Variants in LILRA5 observed in about 807,000 individuals in gnomAD.
LILRA5 encodes leukocyte immunoglobulin like receptor A5, also known as leukocyte immunoglobulin-like receptor subfamily A member 5.
LILRA5 carries 31 observed loss-of-function variants against 36.3 expected under a neutral mutation model. The observed-to-expected ratio is 0.85, with a 90% confidence interval of 0.64 to 1.15. The LOEUF (loss-of-function observed/expected upper bound fraction) is 1.15. LILRA5 is among the 50% of genes most tolerant of loss of function. The probability of loss-of-function intolerance (pLI) is 0.00; values close to 1 mark genes in which losing one functional copy is unlikely to be tolerated. For synonymous variants in LILRA5, 144 were observed against 144.8 expected (o/e 0.99, Z 0.04); for missense variants, 348 against 377.4 (o/e 0.92, Z 0.64).
chr19:54,307,465 A>G lies in LILRA5; in HGVS notation c.848T>C (p.Ile283Thr). ...TCTCTGGCTGTGCCAATCCTGAAAT[A>G]TCAGAATCCCAAGGACCACCAGGAT... Reference protein sequence around the residue: ...GLILVVLGILIFQDWHSQRSP... With the variant: ...GLILVVLGILTFQDWHSQRSP... Residue 283 changes from isoleucine (I) to threonine (T), a missense_variant, in exon 7 of 7, where the codon ATA (isoleucine) becomes ACA (threonine). By Grantham distance (89) the Ile-to-Thr change is moderately conservative (BLOSUM62 -1). Transcript: ENST00000432233. 1 of 1,613,874 alleles carries G rather than the reference A, an allele frequency of 6.2e-7. No individual in the cohort carries two copies. The highest frequency in any genetic ancestry group is 1.1e-5 in the South Asian group (1 of 91,046).
At chr19:54,311,809 C>A (rs1569144201) in intron 4 of LILRA5, 55 bp downstream of exon 4, 2 of 1,613,194 alleles carry the variant, frequency 1.2e-6, no homozygotes, top group Middle Eastern at 1.7e-4. Flanking sequence ...CCCTGAGAGC[C>A]GACCCCCTTC....
intron 5 of LILRA5, chr19:54,310,577 G>C (rs996020575): frequency 5.9e-6 from 1 of 168,736 alleles, no homozygotes; most frequent in Non-Finnish European, 1.3e-5. Flanking sequence ...GAGCAGACCA[G>C]GTCTTAGGGT....
intron 5 of LILRA5, chr19:54,308,296 T>G (rs1317972261): frequency 6.6e-6 from 1 of 150,588 alleles, no homozygotes; most frequent in Non-Finnish European, 1.4e-5. Flanking sequence ...GTCATATATA[T>G]ATACGTATGT....
At chr19:54,312,284 C>T in intron 3 of LILRA5, 51 bp downstream of exon 3, 1 of 1,614,124 alleles carries the variant, frequency 6.2e-7, no homozygotes, top group Non-Finnish European at 8.5e-7. Context: ...ATGGGTGGCC[C>T]TTTGTCCCCA....
chr19:54,312,954 T>C, intron 1 of LILRA5, 63 bp downstream of exon 1: 1 of 1,610,622 alleles, frequency 6.2e-7, no homozygotes, highest in South Asian at 1.1e-5. Context: ...TCTCAGAGCC[T>C]CCCCATGGGG....
chr19:54,307,610 C>G, intron 6 of LILRA5, 61 bp from the exon 7 acceptor site: 2 of 1,613,644 alleles, frequency 1.2e-6, no homozygotes, highest in South Asian at 1.1e-5. Flanking sequence ...CCCAGGACCC[C>G]TGGATGTCTC....
intron 1 of LILRA5, 119 bp downstream of exon 1, chr19:54,312,898 G>A: frequency 7.8e-7 from 1 of 1,274,986 alleles, no homozygotes; most frequent in Non-Finnish European, 1.1e-6. Context: ...AATAGACCCG[G>A]TGCCTTCCTG....
chr19:54,311,468 G>A lies in LILRA5; in HGVS notation c.658C>T (p.His220Tyr). 2 of 1,614,112 alleles carry A rather than the reference G, an allele frequency of 1.2e-6. No homozygotes were observed. Among genetic ancestry groups the A allele is most frequent in the Non-Finnish European group, 1.7e-6 (2 of 1,179,960 alleles). The change falls in exon 5 of 7, where the codon CAT becomes TAT. Residue 220 changes from histidine (H) to tyrosine (Y), a missense_variant. His to Tyr is a moderately conservative substitution (Grantham distance 83). Coordinates refer to ENST00000432233, the MANE Select transcript of LILRA5 (RefSeq NM_021250.4). ...WMLRCYGSRR[H>Y]ILQVWSEPSD... ...GGTTCTGACCATACCTGCAGGATAT[G>A]CCTGCGAGAGCCATAGCATCTGAGC...
Position 54,312,019 on chromosome 19 carries a change from T to G in LILRA5, c.254A>C (p.Glu85Ala), listed in dbSNP as rs745719632. 5.0e-6 allele frequency: 8 copies of G among 1,614,050 alleles called. No individual in the cohort carries two copies. In the South Asian group the frequency reaches 7.7e-5, roughly 16 times the overall value. ...CAGTGGGTTCTGTGTGTCCCAGGGT[T>G]CTGGGCTTCCCTCTTTAACCAGACG... Reference protein sequence around the residue: ...EYRLVKEGSPEPWDTQNPLEP... With the variant: ...EYRLVKEGSPAPWDTQNPLEP... The change falls in exon 4 of 7, where the codon GAA (glutamate) becomes GCA (alanine). Residue 85 changes from glutamate to alanine, a missense_variant. Coordinates refer to ENST00000432233, the MANE Select transcript of LILRA5 (RefSeq NM_021250.4).
In LILRA5 at chr19:54,312,117, C is replaced by G; in HGVS notation, c.156G>C (p.Glu52Asp). 1 of 1,614,134 alleles carries G rather than the reference C, an allele frequency of 6.2e-7. No homozygotes were observed. Among genetic ancestry groups the G allele is most frequent in the South Asian group, 1.1e-5 (1 of 91,088 alleles). Residue 52 changes from glutamate to aspartate, a missense_variant, in exon 4 of 7, where the codon GAG (glutamate) becomes GAC (aspartate). Coordinates refer to ENST00000432233, the MANE Select transcript of LILRA5 (RefSeq NM_021250.4). The stretch of plus-strand genomic sequence containing the variant: ...TCCCCCGGCTGATCACAGAGCCTGG[C>G]TCAGCCCAGAGGGTGGCTTTGGAGA... ...GNLSKATLWA[E>D]PGSVISRGNS...
At chr19:54,308,434 T>C (rs1341407662) in intron 5 of LILRA5, 1 of 136,476 alleles carries the variant, frequency 7.3e-6, no homozygotes, top group Non-Finnish European at 1.6e-5. Flanking sequence ...CATAAAACAA[T>C]TTCTGCTTTT....
intron 6 of LILRA5, 65 bp downstream of exon 6, chr19:54,307,633 A>G (rs1318546258): frequency 3.1e-6 from 5 of 1,613,130 alleles, no homozygotes; most frequent in Admixed American, 1.7e-5. Context: ...CAGGGCACCC[A>G]TATCATCTTG....
chr19:54,310,921 C>A, intron 5 of LILRA5: 1 of 240,512 alleles, frequency 4.2e-6, no homozygotes, highest in Non-Finnish European at 8.6e-6. Flanking sequence ...TCCTATAAAC[C>A]TCCTTCTGGA....
chr19:54,312,773 G>T, intron 1 of LILRA5, 152 bp from the exon 2 acceptor site: 1 of 835,424 alleles, frequency 1.2e-6, no homozygotes, highest in Non-Finnish European at 1.9e-6. Context: ...AAGTAGTTGA[G>T]ACTACAGGCA....
chr19:54,307,850 A>G lies in LILRA5; in HGVS notation c.713-102T>C, dbSNP rs530272017. The G allele has an allele frequency of 7.7e-4, 743 of 970,020 alleles. 1 individual carries two copies. Among genetic ancestry groups the G allele is most frequent in the Non-Finnish European group, 1.1e-3 (671 of 608,222 alleles). 60.1% of individuals were successfully genotyped at this position (970,020 alleles called of 1,614,324 possible). A position where few individuals can be genotyped will look rare whatever the true frequency, so the allele number is the denominator to read the frequency against. On this transcript the variant is annotated intron_variant, in intron 5 of 6. Coordinates refer to ENST00000432233, the MANE Select transcript of LILRA5 (RefSeq NM_021250.4). ...ATTCTCCTAGTTCCCTGTGCCTCTC[A>G]ACATGACTTTTATGGAGTTCCTCCA...
chr19:54,311,048 C>T (rs932102065), intron 5 of LILRA5: 5 of 320,270 alleles, frequency 1.6e-5, no homozygotes, highest in Admixed American at 4.0e-5. Context: ...CTCCGCCTCC[C>T]GGGTTCGAGC....
intron 5 of LILRA5, chr19:54,308,345 G>GTATATATAAATATATATA (rs1395363219): frequency 1.4e-5 from 1 of 73,358 alleles, no homozygotes; most frequent in East Asian, 6.8e-4. Flanking sequence ...GTATATATAT[G>GTATATATAAATATATATA]TATATATAAA....
Position 54,311,929 on chromosome 19 carries a change from C to T in LILRA5, c.344G>A (p.Arg115His), listed in dbSNP as rs769904281. Residue 115 changes from arginine (R) to histidine (H), a missense_variant, in exon 4 of 7, where the codon CGC (arginine) becomes CAC (histidine). Coordinates refer to ENST00000432233, the MANE Select transcript of LILRA5 (RefSeq NM_021250.4). Reference sequence around the variant, plus strand: ...GCCTGCAGGGCTGTAGTAGTAACAGCGGTATCTCCCTGCATGGTGCTCTGT... The same window carrying T: ...GCCTGCAGGGCTGTAGTAGTAACAGTGGTATCTCCCTGCATGGTGCTCTGT... ...SMTEHHAGRY[R>H]CYYYSPAGWS... The T allele has an allele frequency of 8.1e-6, 13 of 1,614,050 alleles. No homozygotes were observed. Among genetic ancestry groups the T allele is most frequent in the Admixed American group, 1.7e-5 (1 of 60,004 alleles).
chr19:54,310,762 A>T, intron 5 of LILRA5: 1 of 274,634 alleles, frequency 3.6e-6, no homozygotes. Flanking sequence ...CTCCTTGTAG[A>T]GAGCAAACCT....
Sources: gnomAD v4.1 joint callset for allele counts on GRCh38, gnomAD v4.1.1 for gene constraint, MANE v1.5 for transcripts, NCBI Gene and HGNC (gene_info 2026-07-23, HGNC 2026-07-21) for gene names.